The following AFG2A variants were observed in gnomAD, a reference collection of about 807,000 sequenced individuals.
The protein encoded by AFG2A is AAA ATPase AFG2A, also known as ATPase family gene 2 protein homolog A.
At chr4:123,188,359 T>A in the AFG2A span, among the ~76,000 whole-genome samples, 2 of 152,206 alleles carry the variant, frequency 1.3e-5, no homozygotes, top group Non-Finnish European at 2.9e-5. Flanking sequence ...TATTTGCTTG[T>A]AAATATCTAT....
chr4:122,934,299 C>A, the AFG2A span: 1 of 1,614,036 alleles, frequency 6.2e-7, no homozygotes, highest in African/African-American at 1.3e-5. Context: ...TACAGCTAAG[C>A]CAGTTAGATC....
the AFG2A span, among the ~76,000 whole-genome samples, chr4:123,123,488 A>T: frequency 2.0e-5 from 3 of 152,074 alleles, no homozygotes; most frequent in African/African-American, 7.2e-5. Context: ...TCTCATATCA[A>T]TTTTTTTGTA....
the AFG2A span, among the ~76,000 whole-genome samples, chr4:123,068,319 A>G: frequency 6.6e-6 from 1 of 152,186 alleles, no homozygotes; most frequent in Admixed American, 6.5e-5. Flanking sequence ...CTAGCTTTCA[A>G]TGATCTGTGG....
chr4:123,128,292 G>A, the AFG2A span, among the ~76,000 whole-genome samples: 11 of 152,168 alleles, frequency 7.2e-5, no homozygotes, highest in Admixed American at 3.3e-4. Context: ...AAACCATTGT[G>A]TCTGAGAAAG....
the AFG2A span, among the ~76,000 whole-genome samples, chr4:122,932,560 G>A: frequency 6.6e-6 from 1 of 152,142 alleles, no homozygotes; most frequent in African/African-American, 2.4e-5. Context: ...GAACTAGACA[G>A]CTGTTTGTCT....
the AFG2A span, among the ~76,000 whole-genome samples, chr4:123,292,592 C>T: frequency 1.3e-5 from 2 of 152,170 alleles, no homozygotes; most frequent in African/African-American, 4.8e-5. Flanking sequence ...AGTCACCTAG[C>T]TTAGGCTCTG....
the AFG2A span, among the ~76,000 whole-genome samples, chr4:123,156,780 A>T: frequency 1.3e-5 from 2 of 151,680 alleles, no homozygotes; most frequent in African/African-American, 2.4e-5. Flanking sequence ...AAAAAAAGAA[A>T]AAAAAAGAAA....
At chr4:123,180,034 A>G in the AFG2A span, among the ~76,000 whole-genome samples, 1 of 152,074 alleles carries the variant, frequency 6.6e-6, no homozygotes, top group Non-Finnish European at 1.5e-5. Flanking sequence ...AGCCTGGCCA[A>G]CCTGGTGAAA....
chr4:123,252,521 C>G, the AFG2A span, among the ~76,000 whole-genome samples: 61 of 152,240 alleles, frequency 4.0e-4, no homozygotes, highest in African/African-American at 1.4e-3. Context: ...GATAATCTTT[C>G]CAGATAGAGA....
chr4:123,037,864 G>C, the AFG2A span, among the ~76,000 whole-genome samples: 2 of 151,988 alleles, frequency 1.3e-5, no homozygotes, highest in Non-Finnish European at 2.9e-5. Context: ...CTTAGAACAG[G>C]ACATCATAAT....
At chr4:123,162,855 A>G in the AFG2A span, among the ~76,000 whole-genome samples, 1 of 152,242 alleles carries the variant, frequency 6.6e-6, no homozygotes, top group Non-Finnish European at 1.5e-5. Flanking sequence ...TCTATAAAAC[A>G]AGGATATAAT....
the AFG2A span, among the ~76,000 whole-genome samples, chr4:123,263,863 C>G: frequency 1.6e-4 from 25 of 152,244 alleles, 1 homozygote; most frequent in South Asian, 5.2e-3. Flanking sequence ...CTGCTAGTAT[C>G]TACCCAGAGG....
At chr4:122,965,134 A>G in the AFG2A span, among the ~76,000 whole-genome samples, 1 of 152,190 alleles carries the variant, frequency 6.6e-6, no homozygotes, top group Non-Finnish European at 1.5e-5. Context: ...GTTTTATGTT[A>G]CCTTTTCATA....
the AFG2A span, among the ~76,000 whole-genome samples, chr4:123,117,182 C>A: frequency 6.6e-6 from 1 of 152,018 alleles, no homozygotes; most frequent in African/African-American, 2.4e-5. Flanking sequence ...GTTAAAAGAA[C>A]TGTTCAGTCT....
chr4:122,962,530 T>A, the AFG2A span, among the ~76,000 whole-genome samples: 1 of 152,170 alleles, frequency 6.6e-6, no homozygotes, highest in Non-Finnish European at 1.5e-5. Context: ...AACTGAATGG[T>A]TTGTTTCAGA....
chr4:123,223,781 G>C, the AFG2A span, among the ~76,000 whole-genome samples: 1 of 152,146 alleles, frequency 6.6e-6, no homozygotes, highest in Admixed American at 6.6e-5. Context: ...TTTTTAAATT[G>C]AGTTGTAGGG....
the AFG2A span, among the ~76,000 whole-genome samples, chr4:122,986,196 G>A: frequency 1.3e-5 from 2 of 151,986 alleles, no homozygotes; most frequent in African/African-American, 2.4e-5. Context: ...GGCCTATCAC[G>A]TGGTCTGTTT....
At chr4:123,003,410 T>C in the AFG2A span, among the ~76,000 whole-genome samples, 2 of 152,232 alleles carry the variant, frequency 1.3e-5, no homozygotes, top group African/African-American at 2.4e-5. Context: ...GTTTTTCTGC[T>C]CTGTTTTTTC....
At chr4:123,057,552 A>G in the AFG2A span, among the ~76,000 whole-genome samples, 1 of 152,184 alleles carries the variant, frequency 6.6e-6, no homozygotes, top group Non-Finnish European at 1.5e-5. Context: ...TTATATCAAC[A>G]CATACTTCTT....
Sources: allele counts gnomAD v4.1 joint callset (sites outside exome capture counted in the v4.1 genomes callset), GRCh38; gene constraint gnomAD v4.1.1; transcripts MANE v1.5; gene names NCBI Gene and HGNC (gene_info 2026-07-23, HGNC 2026-07-21).